The following ROBO1 variants were observed in gnomAD, a reference collection of about 807,000 sequenced individuals.
ROBO1 encodes the protein roundabout homolog 1.
A neutral mutation model predicts 195.9 loss-of-function variants in ROBO1; 149 were observed. The observed-to-expected ratio is 0.76, with a 90% CI of 0.67 to 0.87. The LOEUF is 0.87. Ranked by LOEUF, ROBO1 falls within the 40% of genes least tolerant of loss-of-function variation. ROBO1 has a pLI of 0.00. For synonymous variants in ROBO1, 816 were observed against 733.2 expected (o/e 1.11, Z -1.82); for missense variants, 1,933 against 2,068.3 (o/e 0.93, Z 1.27).
intron 10 of ROBO1, among the ~76,000 whole-genome samples, chr3:78,671,550 C>A (rs1708066184): frequency 6.6e-6 from 1 of 151,540 alleles, no homozygotes; most frequent in Non-Finnish European, 1.5e-5. Flanking sequence ...CTTCAATTTG[C>A]TCCTCATTTG....
At chr3:79,211,907 T>C (rs982934678) in intron 2 of ROBO1, among the ~76,000 whole-genome samples, 2 of 152,188 alleles carry the variant, frequency 1.3e-5, no homozygotes, top group East Asian at 1.9e-4. Flanking sequence ...GCTGAGAGCC[T>C]GGAACAGAGA....
chr3:79,674,056 T>C (rs1946710959), intron 1 of ROBO1, among the ~76,000 whole-genome samples: 1 of 152,022 alleles, frequency 6.6e-6, no homozygotes, highest in Admixed American at 6.6e-5. Context: ...ATGGCAATAA[T>C]CTACTGCTTT....
chr3:79,693,161 A>G (rs2107096927), intron 1 of ROBO1, among the ~76,000 whole-genome samples: 1 of 151,924 alleles, frequency 6.6e-6, no homozygotes, highest in Non-Finnish European at 1.5e-5. Context: ...GAAAATGATA[A>G]GTGTACGAGA....
At chr3:78,675,960 T>C (rs1055822758) in intron 10 of ROBO1, among the ~76,000 whole-genome samples, 3 of 151,876 alleles carry the variant, frequency 2.0e-5, no homozygotes, top group Non-Finnish European at 4.4e-5. Context: ...CAGGGCCGGG[T>C]ACTCCTCTGA....
chr3:79,268,829 A>T (rs2108963793), intron 2 of ROBO1, among the ~76,000 whole-genome samples: 1 of 151,848 alleles, frequency 6.6e-6, no homozygotes, highest in Non-Finnish European at 1.5e-5. Flanking sequence ...GACCACATGG[A>T]TACTATTCTG....
At chr3:78,952,220 CA>C (rs2040828497) in intron 3 of ROBO1, among the ~76,000 whole-genome samples, 1 of 151,180 alleles carries the variant, frequency 6.6e-6, no homozygotes, top group Admixed American at 6.6e-5. Flanking sequence ...TCTTGCAGCA[CA>C]AAAATTCTTA....
intron 2 of ROBO1, among the ~76,000 whole-genome samples, chr3:79,550,746 A>T (rs1942480371): frequency 6.6e-6 from 1 of 152,210 alleles, no homozygotes; most frequent in Non-Finnish European, 1.5e-5. Context: ...ACACATAAGA[A>T]GATCCTTCCA....
chr3:78,878,822 GTTGAATATCACCT>G (rs2036011635), intron 4 of ROBO1, among the ~76,000 whole-genome samples: 1 of 152,010 alleles, frequency 6.6e-6, no homozygotes, highest in African/African-American at 2.4e-5. Context: ...TAGACCAAAA[GTTGAATATCACCT>G]TTTACAGTCT....
At chr3:78,992,895 T>C (rs1358868862) in intron 3 of ROBO1, among the ~76,000 whole-genome samples, 1 of 152,102 alleles carries the variant, frequency 6.6e-6, no homozygotes, top group Non-Finnish European at 1.5e-5. Flanking sequence ...GATTCTTCTA[T>C]TTACCAGAAG....
At chr3:79,531,427 G>T (rs1208142131) in intron 2 of ROBO1, among the ~76,000 whole-genome samples, 4 of 152,056 alleles carry the variant, frequency 2.6e-5, no homozygotes, top group Admixed American at 2.6e-4. Context: ...TTCAAGACCA[G>T]GGTGGGCAAC....
chr3:79,311,785 T>C (rs1342361253), intron 2 of ROBO1, among the ~76,000 whole-genome samples: 1 of 152,174 alleles, frequency 6.6e-6, no homozygotes. Flanking sequence ...CTACAAGGTA[T>C]GGTCCTACCC....
intron 3 of ROBO1, among the ~76,000 whole-genome samples, chr3:78,957,530 T>G (rs2041111590): frequency 6.6e-6 from 1 of 152,188 alleles, no homozygotes; most frequent in South Asian, 2.1e-4. Flanking sequence ...CAGAACTGCA[T>G]GCAACACGGT....
intron 3 of ROBO1, among the ~76,000 whole-genome samples, chr3:79,109,153 G>GC (rs2079839557): frequency 6.7e-6 from 1 of 148,418 alleles, no homozygotes. Context: ...GGGTCTTAAA[G>GC]TTTTTTTTTT....
intron 3 of ROBO1, among the ~76,000 whole-genome samples, chr3:79,003,286 G>A (rs2077547293): frequency 6.6e-6 from 1 of 151,982 alleles, no homozygotes; most frequent in South Asian, 2.1e-4. Flanking sequence ...TTTGTTTGCT[G>A]TTTTGAAATC....
At chr3:79,536,157 T>C (rs1941853001) in intron 2 of ROBO1, among the ~76,000 whole-genome samples, 1 of 152,146 alleles carries the variant, frequency 6.6e-6, no homozygotes, top group Non-Finnish European at 1.5e-5. Flanking sequence ...TCTGAAATGC[T>C]CTTCACATTT....
intron 2 of ROBO1, among the ~76,000 whole-genome samples, chr3:79,299,667 A>G (rs2032790224): frequency 6.6e-6 from 1 of 152,170 alleles, no homozygotes; most frequent in Non-Finnish European, 1.5e-5. Context: ...TTTAATTGAG[A>G]TAATTTATGA....
chr3:79,452,714 T>C (rs938960255), intron 2 of ROBO1, among the ~76,000 whole-genome samples: 2 of 152,132 alleles, frequency 1.3e-5, no homozygotes, highest in Non-Finnish European at 2.9e-5. Context: ...AAGAGTTTTA[T>C]TTAGAATGCA....
chr3:79,046,472 A>C (rs960353242), intron 3 of ROBO1, among the ~76,000 whole-genome samples: 1 of 152,026 alleles, frequency 6.6e-6, no homozygotes, highest in Non-Finnish European at 1.5e-5. Flanking sequence ...ATATATAATA[A>C]CTATATATAG....
chr3:78,860,758 CACT>C (rs991519125), intron 4 of ROBO1, among the ~76,000 whole-genome samples: 8 of 152,150 alleles, frequency 5.3e-5, no homozygotes, highest in African/African-American at 1.7e-4. Flanking sequence ...TTTAGCTGTC[CACT>C]ACTACTTGCA....
Sources: gnomAD v4.1 joint callset for allele counts (sites outside exome capture counted in the v4.1 genomes callset) on GRCh38, gnomAD v4.1.1 for gene constraint, MANE v1.5 for transcripts, NCBI Gene and HGNC (gene_info 2026-07-23, HGNC 2026-07-21) for gene names.